The following TBC1D1 variants were observed in gnomAD, a reference collection of about 807,000 sequenced individuals.
TBC1D1 encodes the protein TBC1 (tre-2/USP6, BUB2, cdc16) domain family, member 1.
In TBC1D1, 89 loss-of-function variants were observed where a neutral mutation model predicts 125.6. The ratio of observed to expected loss-of-function variants is 0.71; its 90% confidence interval spans 0.60 to 0.85. The LOEUF is 0.85. TBC1D1 is among the 40% of genes least tolerant of loss of function. TBC1D1 has a pLI of 0.00. For synonymous variants in TBC1D1, 565 were observed against 564.1 expected, an observed-to-expected ratio of 1.00 and a Z score of -0.02; for missense variants, 1,377 against 1,469.2, an observed-to-expected ratio of 0.94 and a Z score of 1.03.
chr4:38,126,612 A>T (rs761202078), intron 18 of TBC1D1, among the ~76,000 whole-genome samples: 1 of 152,176 alleles, frequency 6.6e-6, no homozygotes, highest in Non-Finnish European at 1.5e-5. Context: ...ACTCATCTTT[A>T]ATTGAGAGCC....
intron 6 of TBC1D1, among the ~76,000 whole-genome samples, chr4:38,025,183 G>T (rs1744829774): frequency 6.6e-6 from 1 of 152,232 alleles, no homozygotes; most frequent in African/African-American, 2.4e-5. Context: ...GGCCGTTTCT[G>T]CACCGCCAGG....
chr4:38,081,462 G>T (rs1455867825), intron 12 of TBC1D1, among the ~76,000 whole-genome samples: 6 of 151,626 alleles, frequency 4.0e-5, no homozygotes, highest in African/African-American at 1.5e-4. Context: ...TCCTATTGTT[G>T]CGAGGAGCCC....
intron 2 of TBC1D1, among the ~76,000 whole-genome samples, chr4:37,959,158 A>G (rs930983518): frequency 6.6e-6 from 1 of 152,184 alleles, no homozygotes; most frequent in African/African-American, 2.4e-5. Context: ...CCCTTGAACA[A>G]TGTGAGGGTT....
At chr4:38,123,063 A>G (rs536038430) in intron 17 of TBC1D1, among the ~76,000 whole-genome samples, 1 of 152,312 alleles carries the variant, frequency 6.6e-6, no homozygotes, top group South Asian at 2.1e-4. Context: ...TGGATTCTGT[A>G]TTTGGTTGTG....
intron 15 of TBC1D1, chr4:38,110,568 A>G: frequency 3.0e-6 from 3 of 985,452 alleles, no homozygotes; most frequent in Non-Finnish European, 2.4e-6. Context: ...CCTTTCTGGC[A>G]TATTTCTCCA....
chr4:38,101,590 T>C (rs1221779295), intron 14 of TBC1D1, among the ~76,000 whole-genome samples: 1 of 152,270 alleles, frequency 6.6e-6, no homozygotes, highest in African/African-American at 2.4e-5. Context: ...TTTAGAGCTT[T>C]GTTGGATGCT....
chr4:38,069,100 T>C (rs75591311), intron 12 of TBC1D1, among the ~76,000 whole-genome samples: 3,240 of 152,330 alleles, frequency 0.021, 60 homozygotes, highest in Middle Eastern at 0.048. Flanking sequence ...GTATCCAGGT[T>C]CCTTGTTTTG....
intron 2 of TBC1D1, among the ~76,000 whole-genome samples, chr4:37,925,387 C>T (rs1223683871): frequency 6.6e-6 from 1 of 151,986 alleles, no homozygotes; most frequent in Non-Finnish European, 1.5e-5. Flanking sequence ...AACAAAGAAA[C>T]AAGTGAAGAA....
At chr4:38,034,797 T>G (rs537336222) in intron 7 of TBC1D1, among the ~76,000 whole-genome samples, 5 of 152,376 alleles carry the variant, frequency 3.3e-5, no homozygotes, top group African/African-American at 1.2e-4. Flanking sequence ...ACAATTCATT[T>G]TACTTTCTTC....
rs577703357 is a variant in TBC1D1 at position 38,092,907 on chromosome 4, A to G, written c.2236+2790A>G. Among the ~76,000 whole-genome samples, 3 of 152,228 alleles carry G rather than the reference A, an allele frequency of 2.0e-5. No homozygotes were observed. In the South Asian group the frequency reaches 6.2e-4, roughly 32 times the overall value. On this transcript the variant is annotated intron_variant, in intron 13 of 19. Coordinates refer to ENST00000261439, the MANE Select transcript of TBC1D1 (RefSeq NM_015173.4). ...ACACACACTCAGACTGGGACCATGT[A>G]GACATACTGATTAACCTAATGTGCA...
intron 14 of TBC1D1, among the ~76,000 whole-genome samples, chr4:38,097,481 A>G (rs1398703081): frequency 6.6e-6 from 1 of 152,066 alleles, no homozygotes; most frequent in African/African-American, 2.4e-5. Context: ...CTGGGACTAC[A>G]GGTGCCCGCC....
intron 12 of TBC1D1, chr4:38,060,515 A>G (rs2152496042): frequency 1.6e-6 from 1 of 644,268 alleles, no homozygotes; most frequent in Non-Finnish European, 2.3e-6. Flanking sequence ...GGCTGTATGA[A>G]TATCTTCTTT....
chr4:38,048,008 C>A (rs966538585), intron 10 of TBC1D1, among the ~76,000 whole-genome samples: 1 of 152,222 alleles, frequency 6.6e-6, no homozygotes, highest in Middle Eastern at 3.4e-3. Context: ...TGTGAAGATT[C>A]TTTTAAAAGG....
Position 38,067,556 on chromosome 4 carries a change from G to T in TBC1D1, c.2050+13218G>T, listed in dbSNP as rs577342090. Among the ~76,000 whole-genome samples the T allele has an allele frequency of 2.6e-5, 4 of 152,306 alleles. No individual in the cohort carries two copies. In the South Asian group the frequency reaches 8.3e-4, roughly 32 times the overall value. ...AGAAGCTGTTGGTTTCTTCAGCCTG[G>T]CAAGGATTCAGATTGCAGGTTGTAG... is the stretch of plus-strand genomic sequence containing the variant. On this transcript the variant is annotated intron_variant, in intron 12 of 19. Transcript: ENST00000261439.
chr4:38,112,603 G>A (rs1474645020), intron 15 of TBC1D1, among the ~76,000 whole-genome samples: 1 of 152,224 alleles, frequency 6.6e-6, no homozygotes, highest in African/African-American at 2.4e-5. Flanking sequence ...TCCATTCTGA[G>A]CTTCACGTGC....
chr4:37,975,212 G>T (rs990312438), intron 2 of TBC1D1, among the ~76,000 whole-genome samples: 5 of 152,308 alleles, frequency 3.3e-5, no homozygotes, highest in Middle Eastern at 3.4e-3. Context: ...CTGGACAGGG[G>T]GCCCTTCCCT....
At chr4:37,952,404 T>TA in intron 2 of TBC1D1, 1 of 322,770 alleles carries the variant, frequency 3.1e-6, no homozygotes, top group Non-Finnish European at 6.0e-6. Flanking sequence ...GTAGACTGGA[T>TA]AAAGAAAATG....
intron 18 of TBC1D1, chr4:38,132,677 C>T (rs1241666196): frequency 1.8e-5 from 3 of 167,260 alleles, no homozygotes; most frequent in Non-Finnish European, 4.4e-5. Flanking sequence ...TGCAAACAGG[C>T]TATGATTCTT....
intron 1 of TBC1D1, among the ~76,000 whole-genome samples, chr4:37,900,656 TC>T (rs1053566367): frequency 6.6e-6 from 1 of 151,910 alleles, no homozygotes; most frequent in African/African-American, 2.4e-5. Flanking sequence ...AGACTGAAGA[TC>T]CAGGGAGCAA....
Sources: gnomAD v4.1 joint callset for allele counts (sites outside exome capture counted in the v4.1 genomes callset) on GRCh38, gnomAD v4.1.1 for gene constraint, MANE v1.5 for transcripts, NCBI Gene and HGNC (gene_info 2026-07-23, HGNC 2026-07-21) for gene names.